EDA: variants seen among roughly 807,000 people sequenced by gnomAD.
EDA encodes the protein ectodysplasin-A.
Under a neutral mutation model 23.6 loss-of-function variants are expected in EDA, and 2 were observed. The observed-to-expected ratio is 0.08, with a 90% CI of 0.03 to 0.27. The LOEUF is 0.27. Ranked by LOEUF, EDA falls within the 10% of genes least tolerant of loss-of-function variation. The probability of loss-of-function intolerance (pLI) is 1.00; values close to 1 mark genes in which losing one functional copy is unlikely to be tolerated. For missense variants in EDA, 229 were observed against 324.2 expected (o/e 0.71, Z 2.26); for synonymous variants, 131 against 132.0 (o/e 0.99, Z 0.05).
chrX:69,683,156 C>T (rs1003299325), intron 1 of EDA, among the ~76,000 whole-genome samples: 2 of 111,111 alleles, frequency 1.8e-5, no homozygotes, highest in Non-Finnish European at 3.8e-5. Context: ...CAGTGCCTGA[C>T]CAACATGTTA....
At chrX:69,870,281 C>T (rs2017545839) in intron 1 of EDA, among the ~76,000 whole-genome samples, 1 of 111,475 alleles carries the variant, frequency 9.0e-6, no homozygotes, top group African/African-American at 3.3e-5. Flanking sequence ...TATCTGATAC[C>T]CTTAATATCT....
At chrX:69,886,946 A>G (rs770181797) in intron 1 of EDA, among the ~76,000 whole-genome samples, 4 of 112,162 alleles carry the variant, frequency 3.6e-5, no homozygotes, top group African/African-American at 6.5e-5. Context: ...AAAGCTACAC[A>G]AATAAGGAAG....
intron 1 of EDA, 199 bp downstream of exon 1, chrX:69,616,903 G>T: frequency 1.9e-6 from 1 of 527,781 alleles, no homozygotes; most frequent in East Asian, 3.7e-5. Flanking sequence ...CAGACTCCCT[G>T]GGGACCCCTT....
At chrX:69,738,187 T>C (rs776222934) in intron 1 of EDA, among the ~76,000 whole-genome samples, 1 of 111,158 alleles carries the variant, frequency 9.0e-6, no homozygotes, top group Non-Finnish European at 1.9e-5. Flanking sequence ...TCCAATGCTC[T>C]GTTCACTTAT....
chrX:69,906,106 A>G (rs909609585), intron 1 of EDA, among the ~76,000 whole-genome samples: 2 of 111,984 alleles, frequency 1.8e-5, no homozygotes, highest in African/African-American at 6.5e-5. Flanking sequence ...TCTGGCAGCA[A>G]TATTTTTCTG....
chrX:69,989,057 A>G (rs1404505765), intron 2 of EDA, among the ~76,000 whole-genome samples: 3 of 110,884 alleles, frequency 2.7e-5, no homozygotes, highest in Admixed American at 1.9e-4. Flanking sequence ...AGCAAGGCCC[A>G]GTGAGGAACT....
intron 1 of EDA, among the ~76,000 whole-genome samples, chrX:69,860,471 C>A (rs932684762): frequency 9.0e-6 from 1 of 111,329 alleles, no homozygotes; most frequent in African/African-American, 3.3e-5. Context: ...GACCTTATTT[C>A]TCCTTTGCTT....
chrX:69,706,643 GA>G (rs1172947338), intron 1 of EDA, among the ~76,000 whole-genome samples: 4 of 105,003 alleles, frequency 3.8e-5, no homozygotes, highest in Non-Finnish European at 7.8e-5. Flanking sequence ...TGGGGGTGGG[GA>G]GGCTTCCAGG....
intron 1 of EDA, among the ~76,000 whole-genome samples, chrX:69,901,176 GT>G (rs1363429309): frequency 3.6e-5 from 4 of 111,608 alleles, no homozygotes; most frequent in Non-Finnish European, 7.5e-5. Flanking sequence ...TAATTTCTAA[GT>G]TGATAGTTTG....
intron 1 of EDA, among the ~76,000 whole-genome samples, chrX:69,873,427 CAAAAAAAATACAAAAGATAAATGAAACA>C (rs2147611154): frequency 9.1e-6 from 1 of 110,333 alleles, no homozygotes; most frequent in African/African-American, 3.3e-5. Context: ...TTGAAACAAA[CAAAAAAAATACAAAAGATAAATGAAACA>C]AAAAGCTGGT....
chrX:69,683,219 T>A (rs143382199), intron 1 of EDA, among the ~76,000 whole-genome samples: 1,534 of 111,586 alleles, frequency 0.014, 20 homozygotes, highest in African/African-American at 0.045. Flanking sequence ...CTATTCTTAT[T>A]GTCTCTTTCT....
intron 1 of EDA, among the ~76,000 whole-genome samples, chrX:69,751,404 A>C (rs1189390171): frequency 8.9e-6 from 1 of 112,493 alleles, no homozygotes; most frequent in Non-Finnish European, 1.9e-5. Context: ...TGGTACCAGT[A>C]CCATGCTGTT....
At chrX:70,006,543 C>A (rs944917667) in intron 2 of EDA, among the ~76,000 whole-genome samples, 3 of 111,775 alleles carry the variant, frequency 2.7e-5, no homozygotes, top group African/African-American at 9.8e-5. Context: ...CTATGCAAGT[C>A]TTTTGCCCAT....
chrX:69,686,454 C>T (rs1934546936), intron 1 of EDA, among the ~76,000 whole-genome samples: 1 of 111,775 alleles, frequency 8.9e-6, no homozygotes, highest in Non-Finnish European at 1.9e-5. Context: ...GTTTAGATAC[C>T]ATATACTTCA....
chrX:69,738,733 T>A (rs959943646), intron 1 of EDA, among the ~76,000 whole-genome samples: 1 of 110,136 alleles, frequency 9.1e-6, no homozygotes, highest in Non-Finnish European at 1.9e-5. Flanking sequence ...CCAGTTTGAT[T>A]TTTTTCATTG....
chrX:69,861,001 G>A (rs1319370814), intron 1 of EDA: 2 of 501,366 alleles, frequency 4.0e-6, no homozygotes, highest in Non-Finnish European at 7.2e-6. Context: ...AATAATAACT[G>A]TTAAATGAAC....
intron 2 of EDA, among the ~76,000 whole-genome samples, chrX:69,974,521 A>G (rs1313058866): frequency 6.4e-5 from 7 of 109,553 alleles, no homozygotes; most frequent in Admixed American, 1.0e-4. Flanking sequence ...TGTATGACTA[A>G]GTTATCAAAA....
chrX:69,711,226 C>G (rs180853962), intron 1 of EDA, among the ~76,000 whole-genome samples: 1 of 111,163 alleles, frequency 9.0e-6, no homozygotes, highest in African/African-American at 3.3e-5. Flanking sequence ...TTGTCAAAGG[C>G]CTTTTCTGCA....
At chrX:69,850,444 T>C (rs2017103051) in intron 1 of EDA, among the ~76,000 whole-genome samples, 1 of 112,036 alleles carries the variant, frequency 8.9e-6, no homozygotes, top group Non-Finnish European at 1.9e-5. Flanking sequence ...ACCCTTAGCT[T>C]TTACCTTTCT....
Sources: gnomAD v4.1 joint callset for allele counts (sites outside exome capture counted in the v4.1 genomes callset) on GRCh38, gnomAD v4.1.1 for gene constraint, MANE v1.5 for transcripts, NCBI Gene and HGNC (gene_info 2026-07-23, HGNC 2026-07-21) for gene names.